Variants in PDE2A observed in about 807,000 individuals in gnomAD.
PDE2A encodes the protein phosphodiesterase 2A.
A neutral mutation model predicts 133.6 loss-of-function variants in PDE2A; 53 were observed. The ratio of observed to expected loss-of-function variants is 0.40; its 90% confidence interval spans 0.32 to 0.50. PDE2A has a LOEUF of 0.50. Among genes scored for constraint, PDE2A ranks in the 20% least tolerant of loss-of-function variants. The pLI is 0.73. For missense variants in PDE2A, 796 were observed against 1,232.4 expected, an observed-to-expected ratio of 0.65 and a Z score of 5.30; for synonymous variants, 491 against 490.2, an observed-to-expected ratio of 1.00 and a Z score of -0.02.
intron 1 of PDE2A, among the ~76,000 whole-genome samples, chr11:72,654,061 T>C (rs1236686881): frequency 1.3e-5 from 2 of 152,138 alleles, no homozygotes; most frequent in African/African-American, 2.4e-5. Context: ...CCAGAGTGAA[T>C]GAGGAGATTA....
intron 1 of PDE2A, among the ~76,000 whole-genome samples, chr11:72,667,713 G>A (rs1855276870): frequency 6.6e-6 from 1 of 152,036 alleles, no homozygotes; most frequent in African/African-American, 2.4e-5. Context: ...AGGAGTAGGA[G>A]AGAAAGAGGA....
chr11:72,666,326 G>T (rs1855232427), intron 1 of PDE2A, among the ~76,000 whole-genome samples: 1 of 152,178 alleles, frequency 6.6e-6, no homozygotes. Flanking sequence ...AACTTCAGTA[G>T]TTGCATCAGT....
chr11:72,643,796 G>A (rs907228592), intron 1 of PDE2A, among the ~76,000 whole-genome samples: 8 of 152,238 alleles, frequency 5.3e-5, no homozygotes, highest in East Asian at 1.9e-4. Context: ...GGCAGAGCCC[G>A]GCCACCCCAC....
rs1380441701 is a variant in PDE2A at position 72,590,605 on chromosome 11, C to T, written c.550-25G>A. On this transcript the variant is annotated intron_variant, in intron 7 of 30. Transcript: ENST00000334456. The surrounding 1 kb of genome is among the most constrained non-coding windows in gnomAD (Gnocchi z 4.8). Reference sequence around the variant, plus strand: ...TCTGGGGCAGGCCGAGCGGTTAGCGCGCCGCTCGCCCCAAGCTCGCTGCGC... The same window carrying T: ...TCTGGGGCAGGCCGAGCGGTTAGCGTGCCGCTCGCCCCAAGCTCGCTGCGC... 1 of 1,350,640 alleles carries T rather than the reference C, an allele frequency of 7.4e-7. No individual in the cohort carries two copies. The allele number at this position is 1,350,640 out of a possible 1,614,324, so 83.7% of individuals were successfully genotyped here.
intron 21 of PDE2A, 75 bp downstream of exon 21, chr11:72,582,369 C>T (rs1472271027): frequency 2.4e-5 from 35 of 1,437,024 alleles, no homozygotes; most frequent in Non-Finnish European, 3.2e-5. Flanking sequence ...CCAGGAAGTT[C>T]TTGATGCGCA....
intron 2 of PDE2A, among the ~76,000 whole-genome samples, chr11:72,629,896 G>C (rs1422474969): frequency 6.6e-6 from 1 of 152,090 alleles, no homozygotes; most frequent in Non-Finnish European, 1.5e-5. Context: ...GGTGTCAAAG[G>C]CTCCTGGCAC....
chr11:72,671,152 A>G (rs1259319988), intron 1 of PDE2A, among the ~76,000 whole-genome samples: 42 of 151,446 alleles, frequency 2.8e-4, no homozygotes, highest in Non-Finnish European at 1.0e-4. Context: ...TGGGCCCCCC[A>G]CCTCCTACAC....
At chr11:72,642,443 C>A (rs1336060007) in intron 1 of PDE2A, 117 bp from the exon 2 acceptor site, 120 of 1,144,258 alleles carry the variant, frequency 1.0e-4, no homozygotes, top group Non-Finnish European at 1.3e-4. Context: ...GCGACAGCTT[C>A]GCCTGGTCCG....
intron 2 of PDE2A, among the ~76,000 whole-genome samples, chr11:72,624,696 T>C (rs1057050781): frequency 6.6e-6 from 1 of 152,234 alleles, no homozygotes; most frequent in African/African-American, 2.4e-5. Context: ...CGTGGTAGCA[T>C]GCAATGTGCA....
chr11:72,623,123 A>G (rs905433758), intron 2 of PDE2A, among the ~76,000 whole-genome samples: 1 of 151,578 alleles, frequency 6.6e-6, no homozygotes, highest in Non-Finnish European at 1.5e-5. Context: ...TAACGTCTTC[A>G]CCTCCCTCAC....
At chr11:72,643,161 T>C (rs1217976596) in intron 1 of PDE2A, 2 of 152,368 alleles carry the variant, frequency 1.3e-5, no homozygotes, top group East Asian at 3.9e-4. Flanking sequence ...GAGCGGCTTC[T>C]GGGTTCAGGA....
chr11:72,596,530 C>T, intron 6 of PDE2A, 63 bp downstream of exon 6: 2 of 870,054 alleles, frequency 2.3e-6, no homozygotes, highest in Admixed American at 2.8e-5. Context: ...TGGACAGGCT[C>T]CATCCACCAC....
intron 2 of PDE2A, chr11:72,631,086 G>C (rs1467416320): frequency 1.3e-6 from 2 of 1,548,128 alleles, no homozygotes; most frequent in Admixed American, 2.0e-5. Context: ...ACCTCCAGTC[G>C]GTCGTCTCTA....
chr11:72,673,192 C>T (rs1212353754), intron 1 of PDE2A, among the ~76,000 whole-genome samples: 1 of 152,108 alleles, frequency 6.6e-6, no homozygotes, highest in East Asian at 1.9e-4. Flanking sequence ...AGACACAACA[C>T]ACATAATATA....
chr11:72,664,165 G>C (rs1345636469), intron 1 of PDE2A, among the ~76,000 whole-genome samples: 1 of 152,154 alleles, frequency 6.6e-6, no homozygotes, highest in Non-Finnish European at 1.5e-5. Flanking sequence ...GGCTCATGGA[G>C]CTGGGGCACT....
chr11:72,612,875 G>A (rs578023189), intron 2 of PDE2A, among the ~76,000 whole-genome samples: 101 of 152,306 alleles, frequency 6.6e-4, no homozygotes, highest in Admixed American at 2.3e-3. Context: ...CAAGAAAGGG[G>A]AGCCTGTTCT....
At chr11:72,651,377 T>C (rs538829222) in intron 1 of PDE2A, among the ~76,000 whole-genome samples, 2 of 152,138 alleles carry the variant, frequency 1.3e-5, no homozygotes, top group South Asian at 4.2e-4. Context: ...TGCCTGCAGT[T>C]GGGGATACCA....
chr11:72,586,221 A>ACTGG (rs1310684199), intron 13 of PDE2A, 40 bp from the exon 14 acceptor site: 1 of 1,204,400 alleles, frequency 8.3e-7, no homozygotes, highest in South Asian at 1.3e-5. Flanking sequence ...GGAAGGGAAG[A>ACTGG]CTGGCTTCTC....
At position 72,655,382 on chromosome 11, in the gene PDE2A, GC is replaced by G. The variant is rs1181127076; in HGVS notation, c.72-13057del. Among the ~76,000 whole-genome samples, 12 of 152,252 alleles carry G rather than the reference GC, an allele frequency of 7.9e-5. No homozygotes were observed. The East Asian group carries it at 2.3e-3, about 29-fold the overall frequency. ...GGGACAATGAGCAGTGACCCCTCAT[GC>G]CCTCTGCAGCCCAGCATTCTCCTCA... On this transcript the variant is annotated intron_variant, in intron 1 of 30. Transcript: ENST00000334456.
Sources: gnomAD v4.1 joint callset for allele counts (sites outside exome capture counted in the v4.1 genomes callset) on GRCh38, gnomAD v4.1.1 for gene constraint, Gnocchi (gnomAD v3.1) non-coding constraint, MANE v1.5 for transcripts, NCBI Gene and HGNC (gene_info 2026-07-23, HGNC 2026-07-21) for gene names.